Variants in UTRN observed in about 807,000 individuals in gnomAD.
UTRN encodes dystrophin-related protein 1.
In UTRN, 283 loss-of-function variants were observed where a neutral mutation model predicts 463.9. The ratio of observed to expected loss-of-function variants is 0.61; its 90% confidence interval spans 0.55 to 0.67. The LOEUF is 0.67. Among genes scored for constraint, UTRN ranks in the 30% least tolerant of loss-of-function variants. UTRN has a pLI of 0.00. For missense variants in UTRN, 3,922 were observed against 4,084.3 expected (o/e 0.96, Z 1.08); for synonymous variants, 1,442 against 1,431.5 (o/e 1.01, Z -0.17).
intron 51 of UTRN, among the ~76,000 whole-genome samples, chr6:144,616,003 T>G (rs1258707365): frequency 6.6e-6 from 1 of 152,152 alleles, no homozygotes; most frequent in Non-Finnish European, 1.5e-5. Context: ...GGCTCTTTTC[T>G]CTTCCTTGTA....
chr6:144,834,521 A>C (rs1195892865), intron 69 of UTRN, among the ~76,000 whole-genome samples: 1 of 152,204 alleles, frequency 6.6e-6, no homozygotes, highest in African/African-American at 2.4e-5. Flanking sequence ...CAACTGTCTG[A>C]TACAATTTCA....
chr6:144,799,042 A>G (rs572728419), intron 64 of UTRN, among the ~76,000 whole-genome samples: 4 of 152,194 alleles, frequency 2.6e-5, no homozygotes, highest in East Asian at 1.9e-4. Flanking sequence ...ACCTGGCCCT[A>G]TGTGTATCTT....
intron 23 of UTRN, among the ~76,000 whole-genome samples, chr6:144,470,507 G>A (rs1478401958): frequency 1.3e-5 from 2 of 151,450 alleles, no homozygotes; most frequent in Admixed American, 6.6e-5. Context: ...CCCAGATGAT[G>A]GGCGGCCAGG....
intron 53 of UTRN, among the ~76,000 whole-genome samples, chr6:144,701,977 G>A (rs1025925641): frequency 6.6e-6 from 1 of 152,048 alleles, no homozygotes; most frequent in African/African-American, 2.4e-5. Flanking sequence ...TAAAATGACC[G>A]ATTTAAGAAA....
chr6:144,603,339 A>T (rs1054700498), intron 51 of UTRN, among the ~76,000 whole-genome samples: 2 of 152,298 alleles, frequency 1.3e-5, no homozygotes, highest in Non-Finnish European at 2.9e-5. Flanking sequence ...ATACATTGCG[A>T]GGTGGCTTTC....
rs755338194 is a variant in UTRN at position 144,836,399 on chromosome 6, C to T, written c.9923C>T (p.Thr3308Met). Reference protein sequence around the residue: ...PPESIISPHHTSEDSELIAEA... With the variant: ...PPESIISPHHMSEDSELIAEA... Reference sequence around the variant, plus strand: ...GAGTCGATTATATCTCCCCATCACACGTCTGAGGATTCAGAACTTATAGCA... The same window carrying T: ...GAGTCGATTATATCTCCCCATCACATGTCTGAGGATTCAGAACTTATAGCA... The change falls in exon 71 of 75, where the codon ACG becomes ATG. Residue 3308 changes from threonine (T) to methionine (M), a missense_variant. Physicochemically the swap from Thr to Met is moderately conservative, Grantham distance 81. Around this residue, in one of 3 missense-constraint regions of UTRN, gnomAD observed 1,309 missense variants for 1,452.6 expected, o/e 0.90. Coordinates refer to ENST00000367545, the MANE Select transcript of UTRN (RefSeq NM_007124.3). The T allele has an allele frequency of 2.4e-5, 39 of 1,603,914 alleles. No individual in the cohort carries two copies. Among genetic ancestry groups the T allele is most frequent in the African/African-American group, 8.0e-5 (6 of 74,660 alleles).
Position 144,447,641 on chromosome 6 carries a change from G to C in UTRN, c.1762G>C (p.Asp588His). The change falls in exon 16 of 75, where the codon GAT (aspartate) becomes CAT (histidine). Residue 588 changes from aspartate (D) to histidine (H), a missense_variant. Asp to His is a moderately conservative substitution (Grantham distance 81, BLOSUM62 -1). Coordinates refer to ENST00000367545, the MANE Select transcript of UTRN (RefSeq NM_007124.3). ...EDMEMKRQTL[D>H]QLSEIGQDVG... is the part of the protein sequence containing the mutation. ...CATGGAAATGAAGCGTCAAACATTGGATCAGCTGAGTGAGATTGGCCAGGA... is the reference window on the plus strand; with the variant it reads ...CATGGAAATGAAGCGTCAAACATTGCATCAGCTGAGTGAGATTGGCCAGGA... The C allele has an allele frequency of 6.2e-7, 1 of 1,613,850 alleles. No homozygotes were observed. Among genetic ancestry groups the C allele is most frequent in the Non-Finnish European group, 8.5e-7 (1 of 1,179,904 alleles).
At chr6:144,340,107 C>T (rs1376849233) in intron 2 of UTRN, among the ~76,000 whole-genome samples, 1 of 152,128 alleles carries the variant, frequency 6.6e-6, no homozygotes, top group Non-Finnish European at 1.5e-5. Flanking sequence ...GCGGAGGTTG[C>T]AGTGAGCTGA....
intron 58 of UTRN, among the ~76,000 whole-genome samples, chr6:144,758,827 G>T (rs1792310259): frequency 6.6e-6 from 1 of 151,984 alleles, no homozygotes; most frequent in African/African-American, 2.4e-5. Flanking sequence ...TCATAATCAT[G>T]ACAACACTTA....
At chr6:144,678,944 G>A (rs950845906) in intron 52 of UTRN, among the ~76,000 whole-genome samples, 13 of 152,014 alleles carry the variant, frequency 8.6e-5, no homozygotes, top group Non-Finnish European at 5.9e-5. Flanking sequence ...TAAGGTGGGT[G>A]GTAACATTAT....
intron 55 of UTRN, among the ~76,000 whole-genome samples, chr6:144,751,516 C>T (rs1791392309): frequency 1.3e-5 from 2 of 152,076 alleles, no homozygotes; most frequent in African/African-American, 4.8e-5. Flanking sequence ...TCCAGGACCC[C>T]GCATGTACCA....
At chr6:144,753,996 A>G (rs781492326) in intron 56 of UTRN, among the ~76,000 whole-genome samples, 10 of 152,184 alleles carry the variant, frequency 6.6e-5, no homozygotes, top group Non-Finnish European at 8.8e-5. Context: ...AATTTGGAGG[A>G]AAATAAGATG....
At chr6:144,762,918 A>G (rs896484924) in intron 58 of UTRN, among the ~76,000 whole-genome samples, 5 of 152,186 alleles carry the variant, frequency 3.3e-5, no homozygotes, top group African/African-American at 1.2e-4. Flanking sequence ...TCCTTATAAC[A>G]CCTTCTCTAA....
At chr6:144,765,410 A>C (rs1418869727) in intron 58 of UTRN, among the ~76,000 whole-genome samples, 1 of 152,032 alleles carries the variant, frequency 6.6e-6, no homozygotes, top group African/African-American at 2.4e-5. Context: ...GTGTGAAATT[A>C]CTTTAAGTGT....
intron 69 of UTRN, among the ~76,000 whole-genome samples, chr6:144,830,539 C>A (rs1780578188): frequency 6.6e-6 from 1 of 152,116 alleles, no homozygotes; most frequent in Non-Finnish European, 1.5e-5. Context: ...ACTCATCACA[C>A]CCTAATGATT....
At chr6:144,477,305 G>A (rs189391634) in intron 25 of UTRN, among the ~76,000 whole-genome samples, 80 of 152,214 alleles carry the variant, frequency 5.3e-4, no homozygotes, top group African/African-American at 1.9e-3. Context: ...TAAATAGTAC[G>A]TATTTCTTAA....
At chr6:144,750,850 G>A (rs1331732692) in intron 55 of UTRN, among the ~76,000 whole-genome samples, 3 of 152,208 alleles carry the variant, frequency 2.0e-5, no homozygotes, top group East Asian at 1.9e-4. Flanking sequence ...TACTGGGAAC[G>A]TCAAGAATGT....
In UTRN at chr6:144,367,720, C is replaced by T. The variant is rs78262811; in HGVS notation, c.80-35403C>T. 9.9e-3 allele frequency among the ~76,000 whole-genome samples: 1,502 copies of T among 152,066 alleles called. 26 individuals are homozygous for T. Among genetic ancestry groups the T allele is most frequent in the African/African-American group, 0.035 (1,434 of 41,486 alleles). The stretch of plus-strand genomic sequence containing the variant: ...CTTCAAGAAGACAGTAATTTGTTGG[C>T]GGGGGGCGACCAGGAGAAAAATCCT... On this transcript the variant is annotated intron_variant, in intron 2 of 74. Transcript: ENST00000367545.
chr6:144,381,723 G>T (rs1780947750), intron 2 of UTRN, among the ~76,000 whole-genome samples: 1 of 152,186 alleles, frequency 6.6e-6, no homozygotes, highest in African/African-American at 2.4e-5. Flanking sequence ...CATGTAAGAT[G>T]TGACTTGCTC....
Sources: allele counts gnomAD v4.1 joint callset (sites outside exome capture counted in the v4.1 genomes callset), GRCh38; gene constraint gnomAD v4.1.1; regional missense constraint gnomAD v4.1.1; transcripts MANE v1.5; gene names NCBI Gene and HGNC (gene_info 2026-07-23, HGNC 2026-07-21).